DAXX: variants seen among roughly 807,000 people sequenced by gnomAD.
DAXX encodes the protein death domain associated protein, also known as death domain-associated protein 6.
A neutral mutation model predicts 61.9 loss-of-function variants in DAXX; 24 were observed. The ratio of observed to expected loss-of-function variants is 0.39; its 90% CI spans 0.28 to 0.55. The LOEUF (loss-of-function observed/expected upper bound fraction) is 0.55, where lower values mean the gene tolerates loss of function less well. DAXX is among the 20% of genes least tolerant of loss of function. The pLI is 0.69. For synonymous variants in DAXX, 357 were observed against 369.5 expected (o/e 0.97, Z 0.39); for missense variants, 819 against 935.3 (o/e 0.88, Z 1.62).
In DAXX at chr6:33,319,491, G is replaced by A. The variant is rs1489463159; in HGVS notation, c.1829C>T (p.Ser610Phe). ...VLENGAGMVS[S>F]TSFNGGVSPH... Reference sequence around the variant, plus strand: ...AGAGACGCCTCCATTGAAGGAAGTAGAAGAGACCATGCCTGCTCCATTCTC... The same window carrying A: ...AGAGACGCCTCCATTGAAGGAAGTAAAAGAGACCATGCCTGCTCCATTCTC... The change falls in exon 6 of 8, where the codon TCT (serine) becomes TTT (phenylalanine). Residue 610 changes from serine (S) to phenylalanine (F), a missense_variant. Transcript: ENST00000374542. 1 of 1,614,018 alleles carries A rather than the reference G, an allele frequency of 6.2e-7. No individual in the cohort carries two copies. The highest frequency in any genetic ancestry group is 1.3e-5 in the African/African-American group (1 of 74,930).
rs752732000 is a variant in DAXX, at chr6:33,320,517, G to A, written c.1114C>T (p.Leu372=). 20 of 1,613,748 alleles carry A rather than the reference G, an allele frequency of 1.2e-5. No individual in the cohort carries two copies. The highest frequency in any genetic ancestry group is 1.6e-5 in the Non-Finnish European group (19 of 1,179,862). Residue 372 remains leucine (L), a synonymous_variant, in exon 4 of 8, where the codon CTG becomes TTG. Transcript: ENST00000374542. The surrounding 1 kb of genome is among the most constrained non-coding windows in gnomAD (Gnocchi z 7.1). The stretch of plus-strand genomic sequence containing the variant: ...GCATATTTGGAGATGACCTCATCCA[G>A]CCGACTCATGGCCAAACTCCGGTTT... ...RENRSLAMSR[L]DEVISKYAML...
Position 33,318,727 on chromosome 6 carries a change from G to A in DAXX, c.*16C>T, listed in dbSNP as rs762847816. On this transcript the variant is annotated 3_prime_UTR_variant, in exon 8 of 8. Transcript: ENST00000374542. Reference sequence around the variant, plus strand: ...TTATCCCAGAACATTCTGGAGGCAGGGAGAAGGGGAGGCAGCTAATCAGAG... The same window carrying A: ...TTATCCCAGAACATTCTGGAGGCAGAGAGAAGGGGAGGCAGCTAATCAGAG... 12 of 1,343,714 alleles carry A rather than the reference G, an allele frequency of 8.9e-6. No individual in the cohort carries two copies. The South Asian group carries it at 1.5e-4, about 16-fold the overall frequency. The allele number at this position is 1,343,714 out of a possible 1,614,324, so 83.2% of individuals were successfully genotyped here.
rs1770197392 is a variant in DAXX at position 33,319,145 on chromosome 6, G to T, written c.2015C>A (p.Pro672His). 1 of 1,614,174 alleles carries T rather than the reference G, an allele frequency of 6.2e-7. No homozygotes were observed. The highest frequency in any genetic ancestry group is 8.5e-7 in the Non-Finnish European group (1 of 1,180,020). The change falls in exon 7 of 8, where the codon CCC becomes CAC. Residue 672 changes from proline (P) to histidine (H), a missense_variant. Coordinates refer to ENST00000374542, the MANE Select transcript of DAXX (RefSeq NM_001141969.2). ...KICTLPSPPS[P>H]LASLAPVADS... ...AGCAACTGGGGCCAAGGAAGCCAAG[G>T]GGGAAGGTGGGCTGGGCAGGGTACA... is the stretch of plus-strand genomic sequence containing the variant.
chr6:33,319,374 TA>T lies in DAXX; in HGVS notation c.1940+5del. 1 of 1,609,076 alleles carries T rather than the reference TA, an allele frequency of 6.2e-7. No homozygotes were observed. On this transcript the variant is annotated splice_donor_5th_base_variant and intron_variant, in intron 6 of 7. Transcript: ENST00000374542. ...GCTTCCCTCTTCCTCCTCCTCTTGT[TA>T]TTACCTGTTTCCTAATGGCCCTGAT... is the stretch of plus-strand genomic sequence containing the variant.
chr6:33,322,328 A>C (rs1770736305), intron 1 of DAXX, among the ~76,000 whole-genome samples: 1 of 150,884 alleles, frequency 6.6e-6, no homozygotes, highest in African/African-American at 2.4e-5. Flanking sequence ...CAGACAACAC[A>C]CTCCTGTGGG....
chr6:33,321,953 AG>A lies in DAXX; in HGVS notation c.-29del. ...GGGATCAAATCCCCCGGAGGGAGGAAGTGGTGGGGATTTCAGAATTCCTGCT... is the reference window on the plus strand; with the variant it reads ...GGGATCAAATCCCCCGGAGGGAGGAATGGTGGGGATTTCAGAATTCCTGCT... On this transcript the variant is annotated 5_prime_UTR_variant, in exon 2 of 8. An upstream open reading frame in the 5' UTR loses its in-frame stop. Transcript: ENST00000374542. This position sits in a 1 kb window ranked among gnomAD's most constrained non-coding sequence, Gnocchi z 7.2. The A allele has an allele frequency of 6.3e-7, 1 of 1,591,108 alleles. No individual in the cohort carries two copies. The highest frequency in any genetic ancestry group is 8.6e-7 in the Non-Finnish European group (1 of 1,167,198).
rs759665676 is a variant in DAXX at position 33,322,948 on chromosome 6, A to C, written c.-139T>G. 1.6e-5 allele frequency: 21 copies of C among 1,280,608 alleles called. No homozygotes were observed. The highest frequency in any genetic ancestry group is 2.2e-5 in the Non-Finnish European group (20 of 919,674). The allele number at this position is 1,280,608 out of a possible 1,614,324, so 79.3% of individuals were successfully genotyped here. A position where few individuals can be genotyped will look rare whatever the true frequency, so the allele number is the denominator to read the frequency against. ...CCGCCTTCCTTCCCACTCCCACCGC[A>C]GGCCCCACTACGGACCGGAAGTCAC... On this transcript the variant is annotated 5_prime_UTR_variant, in exon 1 of 8. Coordinates refer to ENST00000374542, the MANE Select transcript of DAXX (RefSeq NM_001141969.2).
chr6:33,322,155 G>A, intron 1 of DAXX, 178 bp from the exon 2 acceptor site: 1 of 300,568 alleles, frequency 3.3e-6, no homozygotes, highest in East Asian at 5.0e-5. Context: ...CAAGTGGTGT[G>A]GGGGGGGGGC....
chr6:33,321,376 A>G lies in DAXX; in HGVS notation c.399T>C (p.Val133=). 1 of 1,613,878 alleles carries G rather than the reference A, an allele frequency of 6.2e-7. No individual in the cohort carries two copies. Among genetic ancestry groups the G allele is most frequent in the Non-Finnish European group, 8.5e-7 (1 of 1,179,828 alleles). Residue 133 remains valine, a synonymous_variant, in exon 3 of 8, where the codon GTT becomes GTC. Coordinates refer to ENST00000374542, the MANE Select transcript of DAXX (RefSeq NM_001141969.2). The surrounding 1 kb of genome is among the most constrained non-coding windows in gnomAD (Gnocchi z 7.2). ...LYVYINELCT[V]LKAHSAKKKL... ...TCTTTTTGGCTGAGTGGGCCTTGAG[A>G]ACAGTGCAGAGCTCATTGATGTAGA...
chr6:33,320,252 A>G lies in DAXX; in HGVS notation c.1252-28T>C. On this transcript the variant is annotated intron_variant, in intron 4 of 7. Transcript: ENST00000374542. The surrounding 1 kb of genome is among the most constrained non-coding windows in gnomAD (Gnocchi z 7.1). The stretch of plus-strand genomic sequence containing the variant: ...GGGAGACAAAGAAGTTTCTCTAAGG[A>G]ATCCCTTGCCCCAGAGGGTTTGGTT... The G allele has an allele frequency of 6.4e-7, 1 of 1,559,306 alleles. No individual in the cohort carries two copies. Among genetic ancestry groups the G allele is most frequent in the Non-Finnish European group, 8.8e-7 (1 of 1,130,420 alleles).
At position 33,321,960 on chromosome 6, in the gene DAXX, G is replaced by A. The variant is rs1407130916; in HGVS notation, c.-35C>T. The A allele has an allele frequency of 2.0e-5, 31 of 1,586,628 alleles. No homozygotes were observed. The highest frequency in any genetic ancestry group is 2.7e-5 in the Non-Finnish European group (31 of 1,165,466). On this transcript the variant is annotated 5_prime_UTR_variant, in exon 2 of 8. Transcript: ENST00000374542. This position sits in a 1 kb window ranked among gnomAD's most constrained non-coding sequence, Gnocchi z 7.2. ...AATCCCCCGGAGGGAGGAAGTGGTG[G>A]GGATTTCAGAATTCCTGCTGGAAGG...
Position 33,319,034 on chromosome 6 carries a change from G to A in DAXX, c.2126C>T (p.Thr709Ile), listed in dbSNP as rs2150986945. The stretch of plus-strand genomic sequence containing the variant: ...AGGCCGAGGAGGCTGTGAATGGGGG[G>A]TTTGGGACAGCCGGGCTGGAGAAGG... ...CIPSPARLSQTPHSQPPRPGT... is the reference protein window; with the variant it reads ...CIPSPARLSQIPHSQPPRPGT... The change falls in exon 7 of 8, where the codon ACC becomes ATC. Residue 709 changes from threonine (T) to isoleucine (I), a missense_variant. Physicochemically the swap from Thr to Ile is moderately conservative, Grantham distance 89. Transcript: ENST00000374542. The A allele has an allele frequency of 6.2e-7, 1 of 1,613,750 alleles. No homozygotes were observed. The highest frequency in any genetic ancestry group is 8.5e-7 in the Non-Finnish European group (1 of 1,180,024).
Position 33,321,169 on chromosome 6 carries a change from G to C in DAXX, c.606C>G (p.Ile202Met), listed in dbSNP as rs2150996024. The change falls in exon 3 of 8, where the codon ATC (isoleucine) becomes ATG (methionine). Residue 202 changes from isoleucine to methionine, a missense_variant. Ile to Met is a conservative substitution (Grantham distance 10). Transcript: ENST00000374542. This position sits in a 1 kb window ranked among gnomAD's most constrained non-coding sequence, Gnocchi z 7.2. ...CCAACTCCTTTTCCTGCAGCCGCCG[G>C]ATCTCTGCCACATAGAGCGCCAGCA... ...EQLLALYVAE[I>M]RRLQEKELDL... 1.2e-6 allele frequency: 2 copies of C among 1,613,770 alleles called. No individual in the cohort carries two copies. The highest frequency in any genetic ancestry group is 8.5e-7 in the Non-Finnish European group (1 of 1,179,668).
chr6:33,319,822 G>A lies in DAXX; in HGVS notation c.1498C>T (p.Leu500=), dbSNP rs1367594320. 4 of 1,613,532 alleles carry A rather than the reference G, an allele frequency of 2.5e-6. No homozygotes were observed. The Admixed American group carries it at 6.7e-5, about 27-fold the overall frequency. The part of the protein sequence containing the change: ...KDGDKSPMSS[L]QISNEKNLEP... ...AGGTTCTTTTCATTGGAGATCTGTA[G>A]TGAGGACATGGGGCTCTTGTCTCCA... Residue 500 remains leucine (L), a synonymous_variant, in exon 6 of 8, where the codon CTA becomes TTA. Coordinates refer to ENST00000374542, the MANE Select transcript of DAXX (RefSeq NM_001141969.2).
chr6:33,320,442 G>A lies in DAXX; in HGVS notation c.1189C>T (p.Arg397Trp), dbSNP rs202099332. ...EEGERKKRRA[R>W]LQGTSSHSAD... ...GAGTGGGAAGAGGTGCCTTGGAGCC[G>A]AGCTCTTCTCTTTTTTCTCTCGCCC... The change falls in exon 4 of 8, where the codon CGG (arginine) becomes TGG (tryptophan). Residue 397 changes from arginine to tryptophan, a missense_variant. Transcript: ENST00000374542. This position sits in a 1 kb window ranked among gnomAD's most constrained non-coding sequence, Gnocchi z 7.1. 2.7e-5 allele frequency: 44 copies of A among 1,613,640 alleles called. No individual in the cohort carries two copies. The highest frequency in any genetic ancestry group is 3.3e-5 in the Admixed American group (2 of 59,996).
rs545922224 is a variant in DAXX, at chr6:33,320,141, C to T, written c.1335G>A (p.Glu445=). 2.2e-5 allele frequency: 36 copies of T among 1,613,792 alleles called. No homozygotes were observed. The highest frequency in any genetic ancestry group is 3.0e-5 in the Non-Finnish European group (35 of 1,179,858). ...TDDEDDEESD[E]EEEEEEEEEE... is the part of the protein sequence containing the mutation. The stretch of plus-strand genomic sequence containing the variant: ...CTTCTTCCTCCTCCTCCTCCTCTTC[C>T]TCATCACTCTCCTCATCGTCTTCGT... The change falls in exon 5 of 8, where the codon GAG becomes GAA. Residue 445 remains glutamate, a synonymous_variant. Transcript: ENST00000374542. This position sits in a 1 kb window ranked among gnomAD's most constrained non-coding sequence, Gnocchi z 7.1.
rs960659873 is a variant in DAXX, at chr6:33,319,500, A to T, written c.1820T>A (p.Met607Lys). The T allele has an allele frequency of 6.2e-7, 1 of 1,614,016 alleles. No homozygotes were observed. Among genetic ancestry groups the T allele is most frequent in the Non-Finnish European group, 8.5e-7 (1 of 1,180,038 alleles). ...TCCATTGAAGGAAGTAGAAGAGACC[A>T]TGCCTGCTCCATTCTCTAAGACAGT... Reference protein sequence around the residue: ...FTTVLENGAGMVSSTSFNGGV... With the variant: ...FTTVLENGAGKVSSTSFNGGV... Residue 607 changes from methionine (M) to lysine (K), a missense_variant, in exon 6 of 8, where the codon ATG becomes AAG. By Grantham distance (95) the Met-to-Lys change is moderately conservative. Coordinates refer to ENST00000374542, the MANE Select transcript of DAXX (RefSeq NM_001141969.2).
chr6:33,321,013 C>T lies in DAXX; in HGVS notation c.762G>A (p.Glu254=), dbSNP rs377418324. 2.4e-5 allele frequency: 38 copies of T among 1,614,002 alleles called. No homozygotes were observed. The African/African-American group carries it at 4.5e-4, about 19-fold the overall frequency. The stretch of plus-strand genomic sequence containing the variant: ...GGGTGCCACGGTAGGGGATGCGCTG[C>T]TCTATGACACGGCCGGTCAGTGAAG... ...DCSSLTGRVI[E]QRIPYRGTRY... is the part of the protein sequence containing the mutation. The change falls in exon 3 of 8, where the codon GAG becomes GAA. Residue 254 remains glutamate (E), a synonymous_variant. Coordinates refer to ENST00000374542, the MANE Select transcript of DAXX (RefSeq NM_001141969.2). The surrounding 1 kb of genome is among the most constrained non-coding windows in gnomAD (Gnocchi z 7.2).
rs1234434983 is a variant in DAXX, at chr6:33,321,190, C to G, written c.585G>C (p.Leu195=). The change falls in exon 3 of 8, where the codon CTG becomes CTC. Residue 195 remains leucine, a synonymous_variant. Coordinates refer to ENST00000374542, the MANE Select transcript of DAXX (RefSeq NM_001141969.2). This position sits in a 1 kb window ranked among gnomAD's most constrained non-coding sequence, Gnocchi z 7.2. ...GCCGGATCTCTGCCACATAGAGCGC[C>G]AGCAGCTGCTCCAAACGCTGGATCT... ...RRQIQRLEQL[L]ALYVAEIRRL... is the part of the protein sequence containing the mutation. 1 of 1,613,500 alleles carries G rather than the reference C, an allele frequency of 6.2e-7. No homozygotes were observed. The highest frequency in any genetic ancestry group is 8.5e-7 in the Non-Finnish European group (1 of 1,179,504).
Sources: gnomAD v4.1 joint callset for allele counts (sites outside exome capture counted in the v4.1 genomes callset) on GRCh38, gnomAD v4.1.1 for gene constraint, Gnocchi (gnomAD v3.1) non-coding constraint, MANE v1.5 for transcripts, NCBI Gene and HGNC (gene_info 2026-07-23, HGNC 2026-07-21) for gene names.